CPXM2: variants seen among roughly 807,000 people sequenced by gnomAD.
CPXM2 encodes inactive carboxypeptidase-like protein X2.
In CPXM2, 66 loss-of-function variants were observed where a neutral mutation model predicts 86.1. That is an observed-to-expected ratio of 0.77 (90% CI 0.63 to 0.94). The LOEUF (loss-of-function observed/expected upper bound fraction) is 0.94. CPXM2 is among the 40% of genes least tolerant of loss of function. CPXM2 has a pLI of 0.00. For missense variants in CPXM2, 948 were observed against 1,026.3 expected, an observed-to-expected ratio of 0.92 and a Z score of 1.04; for synonymous variants, 388 against 400.2, an observed-to-expected ratio of 0.97 and a Z score of 0.36.
At position 123,891,379 on chromosome 10, in the gene CPXM2, G is replaced by A; in HGVS notation, c.281C>T (p.Ser94Leu). Residue 94 changes from serine to leucine, a missense_variant, in exon 1 of 14, where the codon TCG becomes TTG. Transcript: ENST00000241305. The surrounding 1 kb of genome is among the most constrained non-coding windows in gnomAD (Gnocchi z 5.6). Reference protein sequence around the residue: ...KPKKAPKREKSAPEPPPPGKH... With the variant: ...KPKKAPKREKLAPEPPPPGKH... ...ACCTGGTGGAGGCGGCTCCGGAGCC[G>A]ACTTCTCCCTCTTGGGAGCTTTCTT... The A allele has an allele frequency of 1.3e-6, 2 of 1,561,468 alleles. No individual in the cohort carries two copies. The highest frequency in any genetic ancestry group is 1.7e-6 in the Non-Finnish European group (2 of 1,153,672).
intron 2 of CPXM2, among the ~76,000 whole-genome samples, chr10:123,932,839 G>A (rs1945678050): frequency 1.3e-5 from 2 of 152,342 alleles, no homozygotes; most frequent in East Asian, 1.9e-4. Context: ...ATGCAAAGGA[G>A]AGAAAGGGGA....
At chr10:123,788,445 T>A (rs936711314) in intron 6 of CPXM2, among the ~76,000 whole-genome samples, 2 of 152,080 alleles carry the variant, frequency 1.3e-5, no homozygotes, top group African/African-American at 2.4e-5. Context: ...GATACGAAAC[T>A]TCCCCCCTCC....
chr10:123,930,264 A>T (rs1945656431), intron 2 of CPXM2, among the ~76,000 whole-genome samples: 1 of 152,134 alleles, frequency 6.6e-6, no homozygotes, highest in Non-Finnish European at 1.5e-5. Context: ...CCTCCATCCC[A>T]CAGCCCTGCT....
intron 5 of CPXM2, 95 bp from the exon 6 acceptor site, chr10:123,798,221 A>T: frequency 6.0e-6 from 6 of 992,782 alleles, no homozygotes; most frequent in Admixed American, 2.8e-5. Context: ...GACTTTATTG[A>T]GGAAAACCTA....
At chr10:123,917,469 TAGA>T (rs1181669947) in intron 2 of CPXM2, among the ~76,000 whole-genome samples, 2 of 152,270 alleles carry the variant, frequency 1.3e-5, no homozygotes, top group Non-Finnish European at 2.9e-5. Flanking sequence ...CTGCTCTTGA[TAGA>T]AGATTATAAT....
chr10:123,837,966 T>A (rs996232393), intron 4 of CPXM2, among the ~76,000 whole-genome samples: 1 of 152,202 alleles, frequency 6.6e-6, no homozygotes, highest in Non-Finnish European at 1.5e-5. Flanking sequence ...TACCATGGCA[T>A]GCGCCTTGCT....
At chr10:123,820,336 T>C (rs1847898751) in intron 4 of CPXM2, among the ~76,000 whole-genome samples, 1 of 152,128 alleles carries the variant, frequency 6.6e-6, no homozygotes, top group Non-Finnish European at 1.5e-5. Flanking sequence ...GAGAAGCTCA[T>C]AGAAGAGACC....
At chr10:123,836,587 C>G (rs1848286132) in intron 4 of CPXM2, among the ~76,000 whole-genome samples, 1 of 152,198 alleles carries the variant, frequency 6.6e-6, no homozygotes, top group Non-Finnish European at 1.5e-5. Flanking sequence ...CTCTCTGCAA[C>G]TGGAGAAAGA....
chr10:123,824,245 T>C (rs1271310147), intron 4 of CPXM2, among the ~76,000 whole-genome samples: 1 of 152,244 alleles, frequency 6.6e-6, no homozygotes, highest in Admixed American at 6.5e-5. Flanking sequence ...TCTAAATGTA[T>C]TGCCAATTGA....
At chr10:123,772,428 T>A (rs950971526) in intron 7 of CPXM2, among the ~76,000 whole-genome samples, 1 of 151,890 alleles carries the variant, frequency 6.6e-6, no homozygotes, top group African/African-American at 2.4e-5. Context: ...GCCCTGGGTG[T>A]AGTTATCACC....
At chr10:123,860,481 C>T (rs1458238893) in intron 3 of CPXM2, among the ~76,000 whole-genome samples, 1 of 152,212 alleles carries the variant, frequency 6.6e-6, no homozygotes, top group Non-Finnish European at 1.5e-5. Flanking sequence ...AAAAACACCA[C>T]GCTCCCCCGA....
chr10:123,746,810 G>A lies in CPXM2; in HGVS notation c.2225C>T (p.Ala742Val). ...CTGCCCCCGCAGCTTCAGCCGCCTG[G>A]CTGGCAGGCTGACGGGCTGCTTCCC... ...KFGKQPVSLP[A>V]RRLKLRGQKR... Residue 742 changes from alanine (A) to valine (V), a missense_variant, in exon 14 of 14, where the codon GCC becomes GTC. Coordinates refer to ENST00000241305, the MANE Select transcript of CPXM2 (RefSeq NM_198148.3). 1.2e-6 allele frequency: 2 copies of A among 1,614,160 alleles called. No individual in the cohort carries two copies.
At chr10:123,935,387 T>C (rs1945705906) in intron 2 of CPXM2, among the ~76,000 whole-genome samples, 1 of 152,132 alleles carries the variant, frequency 6.6e-6, no homozygotes, top group Non-Finnish European at 1.5e-5. Flanking sequence ...GAACCCACCC[T>C]GGGTGGGGCC....
At chr10:123,932,613 C>T (rs1038989357) in intron 2 of CPXM2, among the ~76,000 whole-genome samples, 2 of 152,252 alleles carry the variant, frequency 1.3e-5, no homozygotes, top group Non-Finnish European at 2.9e-5. Context: ...CAATCTCATT[C>T]TCAAACTCAC....
chr10:123,881,102 C>T (rs950976776), intron 1 of CPXM2, among the ~76,000 whole-genome samples: 7 of 151,694 alleles, frequency 4.6e-5, no homozygotes, highest in African/African-American at 1.7e-4. Flanking sequence ...CCTGCTGGCC[C>T]CTTGGCTCCT....
At chr10:123,801,795 G>A (rs994618031) in intron 4 of CPXM2, among the ~76,000 whole-genome samples, 1 of 151,902 alleles carries the variant, frequency 6.6e-6, no homozygotes, top group Non-Finnish European at 1.5e-5. Flanking sequence ...ACTCTCTCTT[G>A]CCCCAGGGCC....
intron 11 of CPXM2, among the ~76,000 whole-genome samples, chr10:123,759,962 G>C (rs1846296831): frequency 6.6e-6 from 1 of 152,160 alleles, no homozygotes; most frequent in Admixed American, 6.5e-5. Flanking sequence ...GGAACAAAAA[G>C]GTGGAGAGGA....
intron 2 of CPXM2, among the ~76,000 whole-genome samples, chr10:123,870,637 T>C (rs1944880501): frequency 6.6e-6 from 1 of 152,196 alleles, no homozygotes; most frequent in African/African-American, 2.4e-5. Context: ...GGCCTCTCTC[T>C]GGGTCTTGGG....
At chr10:123,874,952 G>A (rs1053968224) in intron 2 of CPXM2, among the ~76,000 whole-genome samples, 2 of 152,176 alleles carry the variant, frequency 1.3e-5, no homozygotes, top group Admixed American at 6.5e-5. Context: ...CCCTTGTCTG[G>A]GAAGTATTTC....
Sources: allele counts gnomAD v4.1 joint callset (sites outside exome capture counted in the v4.1 genomes callset), GRCh38; gene constraint gnomAD v4.1.1; non-coding constraint Gnocchi (gnomAD v3.1); transcripts MANE v1.5; gene names NCBI Gene and HGNC (gene_info 2026-07-23, HGNC 2026-07-21).